XYLB: variants seen among roughly 807,000 people sequenced by gnomAD.
XYLB encodes the protein xylulokinase.
A neutral mutation model predicts 78.7 loss-of-function variants in XYLB; 62 were observed. That is an observed-to-expected ratio of 0.79 (90% confidence interval 0.64 to 0.97). The LOEUF (loss-of-function observed/expected upper bound fraction) is 0.97, where lower values mean the gene tolerates loss of function less well. Among genes scored for constraint, XYLB ranks in the 50% least tolerant of loss-of-function variants. The pLI, the probability that XYLB is intolerant of heterozygous loss-of-function variation, is 0.00. For synonymous variants in XYLB, 245 were observed against 247.4 expected, an observed-to-expected ratio of 0.99 and a Z score of 0.09; for missense variants, 687 against 676.8, an observed-to-expected ratio of 1.02 and a Z score of -0.17.
chr3:38,427,423 T>C, the XYLB span, among the ~76,000 whole-genome samples: 1 of 152,230 alleles, frequency 6.6e-6, no homozygotes. Context: ...TCTGTAGTAC[T>C]TGTAGTGAAA....
chr3:38,365,070 GA>G, intron 4 of XYLB, 128 bp from the exon 5 acceptor site: 1 of 752,640 alleles, frequency 1.3e-6, no homozygotes, highest in Non-Finnish European at 2.2e-6. Flanking sequence ...TGAGCTCTGT[GA>G]CTAAGAAGTG....
chr3:38,348,091 G>GCT (rs1705167007), intron 1 of XYLB, among the ~76,000 whole-genome samples: 1 of 152,212 alleles, frequency 6.6e-6, no homozygotes, highest in Non-Finnish European at 1.5e-5. Flanking sequence ...GGACATTAAT[G>GCT]TCTCTGGACC....
At chr3:38,391,607 T>C (rs1449953259) in intron 15 of XYLB, among the ~76,000 whole-genome samples, 1 of 151,090 alleles carries the variant, frequency 6.6e-6, no homozygotes, top group African/African-American at 2.4e-5. Context: ...CCATTTGCTA[T>C]GACCTGACTG....
At chr3:38,365,566 A>C (rs1706208616) in intron 5 of XYLB, 42 bp from the exon 6 acceptor site, 1 of 1,572,058 alleles carries the variant, frequency 6.4e-7, no homozygotes, top group South Asian at 1.2e-5. Context: ...TCTCCAAGTC[A>C]GCGGATGGAG....
At chr3:38,357,395 T>TC (rs1411270317) in intron 2 of XYLB, among the ~76,000 whole-genome samples, 3 of 151,086 alleles carry the variant, frequency 2.0e-5, no homozygotes, top group African/African-American at 7.3e-5. Context: ...CTACATCCTT[T>TC]TTTTTTTTTG....
In XYLB at chr3:38,400,746, T is replaced by C. The variant is rs1708087583; in HGVS notation, c.1439-145T>C. The C allele has an allele frequency of 1.3e-5, 8 of 598,852 alleles. No homozygotes were observed. The East Asian group carries it at 2.3e-4, about 17-fold the overall frequency. The allele number at this position is 598,852 out of a possible 1,614,324, so 37.1% of individuals were successfully genotyped here. A position where few individuals can be genotyped will look rare whatever the true frequency, so the allele number is the denominator to read the frequency against. On this transcript the variant is annotated intron_variant, in intron 17 of 18. Coordinates refer to ENST00000207870, the MANE Select transcript of XYLB (RefSeq NM_005108.4). ...CATTTTAAGTGTCCAATTCATTGATTTTTCATAAATGTACTGAATTGTGCA... is the reference window on the plus strand; with the variant it reads ...CATTTTAAGTGTCCAATTCATTGATCTTTCATAAATGTACTGAATTGTGCA...
At chr3:38,347,753 G>A (rs991412005) in intron 1 of XYLB, among the ~76,000 whole-genome samples, 2 of 152,176 alleles carry the variant, frequency 1.3e-5, no homozygotes, top group Non-Finnish European at 2.9e-5. Context: ...GTTGACACCA[G>A]CTTGCCTGGT....
chr3:38,427,227 T>C, the XYLB span, among the ~76,000 whole-genome samples: 1 of 152,206 alleles, frequency 6.6e-6, no homozygotes, highest in Non-Finnish European at 1.5e-5. Flanking sequence ...GCCGCTTCGT[T>C]AGGTCTCCAT....
At chr3:38,361,877 T>C (rs896157043) in intron 3 of XYLB, among the ~76,000 whole-genome samples, 1 of 152,190 alleles carries the variant, frequency 6.6e-6, no homozygotes, top group African/African-American at 2.4e-5. Context: ...CAGGCAAAAG[T>C]GAGAGAGTCT....
chr3:38,358,357 G>GTGTGTTTT (rs774476552), intron 2 of XYLB, among the ~76,000 whole-genome samples: 4 of 90,126 alleles, frequency 4.4e-5, no homozygotes, highest in East Asian at 7.3e-4. Flanking sequence ...GTGTGTGTGT[G>GTGTGTTTT]TTTGAGACAG....
At chr3:38,365,466 G>A in intron 5 of XYLB, 142 bp from the exon 6 acceptor site, 2 of 1,448,512 alleles carry the variant, frequency 1.4e-6, no homozygotes, top group Non-Finnish European at 1.9e-6. Context: ...CAGCACAAAG[G>A]GCTGGCCCAT....
At chr3:38,377,526 C>T (rs1366532195) in intron 14 of XYLB, among the ~76,000 whole-genome samples, 1 of 151,428 alleles carries the variant, frequency 6.6e-6, no homozygotes. Context: ...CGGCTCACTG[C>T]AACCCCCACC....
At chr3:38,403,332 C>T (rs1033941379) in intron 18 of XYLB, among the ~76,000 whole-genome samples, 1 of 151,652 alleles carries the variant, frequency 6.6e-6, no homozygotes, top group Non-Finnish European at 1.5e-5. Context: ...TTTTACATTT[C>T]CTTTTTTGCA....
rs6800267 is a variant in XYLB, at chr3:38,399,654, G to A, written c.1439-1237G>A. Among the ~76,000 whole-genome samples, 1,408 of 152,262 alleles carry A rather than the reference G, an allele frequency of 9.2e-3. 23 individuals carry two copies. Among genetic ancestry groups the A allele is most frequent in the African/African-American group, 0.031 (1,292 of 41,544 alleles). On this transcript the variant is annotated intron_variant, in intron 17 of 18. Transcript: ENST00000207870. ...ATGGGGTCTGCTTCATAATTCTTTT[G>A]TGGAAGTGGGAAAGGAGTTTCCCTT...
At chr3:38,439,590 G>T in the XYLB span, among the ~76,000 whole-genome samples, 1 of 152,070 alleles carries the variant, frequency 6.6e-6, no homozygotes, top group African/African-American at 2.4e-5. Flanking sequence ...GTGAAACCCT[G>T]TCTCTACTAA....
Position 38,413,200 on chromosome 3 carries a change from G to C in XYLB, c.*187G>C. On this transcript the variant is annotated 3_prime_UTR_variant, in exon 19 of 19. Coordinates refer to ENST00000207870, the MANE Select transcript of XYLB (RefSeq NM_005108.4). ...TGCATGAAGATAGATAGGCACTCCTGTCCCTGTGCCCGTGTGCCCCAGGGC... is the reference window on the plus strand; with the variant it reads ...TGCATGAAGATAGATAGGCACTCCTCTCCCTGTGCCCGTGTGCCCCAGGGC... 2.0e-6 allele frequency: 1 copy of C among 500,116 alleles called. No homozygotes were observed. Among genetic ancestry groups the C allele is most frequent in the South Asian group, 3.9e-5 (1 of 25,482 alleles). The allele number at this position is 500,116 out of a possible 1,614,324, so 31.0% of individuals were successfully genotyped here.
the XYLB span, among the ~76,000 whole-genome samples, chr3:38,446,392 C>G: frequency 6.6e-6 from 1 of 152,158 alleles, no homozygotes; most frequent in Non-Finnish European, 1.5e-5. Flanking sequence ...TTTTACAATC[C>G]TCTTGTAAGA....
the XYLB span, among the ~76,000 whole-genome samples, chr3:38,437,044 T>C: frequency 1.4e-5 from 2 of 144,296 alleles, no homozygotes; most frequent in African/African-American, 2.5e-5. Flanking sequence ...ATAATAATAA[T>C]AACAAAAACC....
At chr3:38,387,904 C>T (rs1433651465) in intron 15 of XYLB, among the ~76,000 whole-genome samples, 3 of 152,108 alleles carry the variant, frequency 2.0e-5, no homozygotes, top group African/African-American at 7.2e-5. Flanking sequence ...TTATAAAGCT[C>T]CTATCTGCTA....
Sources: allele counts gnomAD v4.1 joint callset (sites outside exome capture counted in the v4.1 genomes callset), GRCh38; gene constraint gnomAD v4.1.1; transcripts MANE v1.5; gene names NCBI Gene and HGNC (gene_info 2026-07-23, HGNC 2026-07-21).